Variants in ZDHHC21 observed in about 807,000 individuals in gnomAD.
ZDHHC21 encodes zDHHC palmitoyltransferase 21.
A neutral mutation model predicts 34.6 loss-of-function variants in ZDHHC21; 15 were observed. The observed-to-expected ratio is 0.43, with a 90% CI of 0.29 to 0.67. The LOEUF is 0.67. Among genes scored for constraint, ZDHHC21 ranks in the 30% least tolerant of loss-of-function variants. The pLI is 0.14. For synonymous variants in ZDHHC21, 142 were observed against 101.8 expected (o/e 1.40, Z -2.38); for missense variants, 344 against 327.7 (o/e 1.05, Z -0.38).
intron 8 of ZDHHC21, among the ~76,000 whole-genome samples, chr9:14,621,950 C>A (rs1280836625): frequency 1.3e-5 from 2 of 152,054 alleles, no homozygotes; most frequent in African/African-American, 4.8e-5. Context: ...ACAGTTAGTG[C>A]TCATCATGAA....
intron 8 of ZDHHC21, among the ~76,000 whole-genome samples, chr9:14,621,151 G>A (rs1024811360): frequency 2.0e-5 from 3 of 151,948 alleles, no homozygotes; most frequent in Non-Finnish European, 2.9e-5. Context: ...ACAAAAGTAC[G>A]AAGAAAAAGA....
At chr9:14,644,124 A>T (rs1305310148) in intron 7 of ZDHHC21, among the ~76,000 whole-genome samples, 1 of 152,184 alleles carries the variant, frequency 6.6e-6, no homozygotes, top group Non-Finnish European at 1.5e-5. Flanking sequence ...GATTTAATTC[A>T]GCAATTTCCT....
chr9:14,631,919 A>G (rs534757311), intron 8 of ZDHHC21, among the ~76,000 whole-genome samples: 1 of 152,280 alleles, frequency 6.6e-6, no homozygotes, highest in South Asian at 2.1e-4. Flanking sequence ...AGATATAATA[A>G]TCATGAACAT....
intron 7 of ZDHHC21, among the ~76,000 whole-genome samples, chr9:14,653,333 A>T (rs1457270793): frequency 1.3e-5 from 2 of 151,944 alleles, no homozygotes; most frequent in East Asian, 3.9e-4. Context: ...ATAAAACATT[A>T]TTTTTTTAAA....
intron 8 of ZDHHC21, 81 bp from the exon 9 acceptor site, chr9:14,619,763 T>C (rs1265044874): frequency 7.3e-6 from 6 of 823,340 alleles, no homozygotes; most frequent in Non-Finnish European, 1.7e-6. Context: ...ATGTTTTTAA[T>C]CTTATTCCAA....
intron 5 of ZDHHC21, among the ~76,000 whole-genome samples, chr9:14,672,484 G>C (rs1283738445): frequency 6.6e-6 from 1 of 151,946 alleles, no homozygotes; most frequent in East Asian, 1.9e-4. Context: ...CAGAGACAAG[G>C]TTCTGGGTCT....
chr9:14,675,616 A>G (rs1376001018), intron 3 of ZDHHC21, among the ~76,000 whole-genome samples: 1 of 151,978 alleles, frequency 6.6e-6, no homozygotes, highest in Non-Finnish European at 1.5e-5. Context: ...CTGAGCCTCC[A>G]CTACACACCT....
chr9:14,690,272 A>T (rs772004985), intron 2 of ZDHHC21, 65 bp downstream of exon 2: 2 of 441,434 alleles, frequency 4.5e-6, no homozygotes, highest in Non-Finnish European at 9.0e-6. Context: ...TTTCCTTCAC[A>T]CCAGGCTTTA....
intron 7 of ZDHHC21, among the ~76,000 whole-genome samples, chr9:14,647,552 T>A (rs1044293013): frequency 2.6e-5 from 4 of 152,132 alleles, no homozygotes; most frequent in Non-Finnish European, 5.9e-5. Flanking sequence ...TGCTAACAAA[T>A]TCTCAACCCC....
chr9:14,598,967 C>T, the ZDHHC21 span, among the ~76,000 whole-genome samples: 1 of 152,084 alleles, frequency 6.6e-6, no homozygotes, highest in African/African-American at 2.4e-5. Flanking sequence ...TTCACCATGT[C>T]ACCCAGGATG....
intron 8 of ZDHHC21, among the ~76,000 whole-genome samples, chr9:14,621,578 G>A (rs762148526): frequency 6.6e-6 from 1 of 152,044 alleles, no homozygotes; most frequent in Non-Finnish European, 1.5e-5. Flanking sequence ...GGATTTGTGA[G>A]GCTGGCCCAA....
At chr9:14,620,151 C>T (rs898610794) in intron 8 of ZDHHC21, among the ~76,000 whole-genome samples, 2 of 152,038 alleles carry the variant, frequency 1.3e-5, no homozygotes, top group African/African-American at 4.8e-5. Flanking sequence ...ACAAGGCAAT[C>T]TATGAATTTG....
At chr9:14,643,202 C>T (rs889502512) in intron 7 of ZDHHC21, among the ~76,000 whole-genome samples, 2 of 152,026 alleles carry the variant, frequency 1.3e-5, no homozygotes, top group East Asian at 1.9e-4. Flanking sequence ...GAGCCGAGAT[C>T]GTGCCACTGC....
chr9:14,688,081 A>G (rs1429024868), intron 2 of ZDHHC21, among the ~76,000 whole-genome samples: 1 of 150,182 alleles, frequency 6.7e-6, no homozygotes, highest in Non-Finnish European at 1.5e-5. Flanking sequence ...AATTTTTTAA[A>G]TATCACATAG....
intron 2 of ZDHHC21, among the ~76,000 whole-genome samples, chr9:14,680,420 T>C (rs140786808): frequency 1.5e-3 from 233 of 151,982 alleles, no homozygotes; most frequent in African/African-American, 5.2e-3. Flanking sequence ...TCCCATAAAA[T>C]CAAATAAGCA....
chr9:14,607,419 T>A (rs1823047003), downstream of ZDHHC21, among the ~76,000 whole-genome samples: 1 of 152,110 alleles, frequency 6.6e-6, no homozygotes, highest in African/African-American at 2.4e-5. Context: ...AAAAAGTTAT[T>A]ATATGTTAAT....
chr9:14,675,463 C>CA (rs1165232328), intron 3 of ZDHHC21, among the ~76,000 whole-genome samples: 1 of 151,740 alleles, frequency 6.6e-6, no homozygotes. Flanking sequence ...TCATAAAACT[C>CA]AAAAAACAAT....
intron 8 of ZDHHC21, chr9:14,622,407 T>G (rs1825461588): frequency 5.3e-5 from 15 of 284,224 alleles, no homozygotes; most frequent in Non-Finnish European, 7.0e-5. Flanking sequence ...ATACCTGGAA[T>G]GGGGGGGCGG....
chr9:14,602,886 T>C, the ZDHHC21 span, among the ~76,000 whole-genome samples: 1 of 124,404 alleles, frequency 8.0e-6, no homozygotes, highest in Non-Finnish European at 1.6e-5. Flanking sequence ...ATCATGCCAC[T>C]GCATTCCAGC....
Sources: allele counts gnomAD v4.1 joint callset (sites outside exome capture counted in the v4.1 genomes callset), GRCh38; gene constraint gnomAD v4.1.1; transcripts MANE v1.5; gene names NCBI Gene and HGNC (gene_info 2026-07-23, HGNC 2026-07-21).